RBFOX1: variants seen among roughly 807,000 people sequenced by gnomAD.
The protein encoded by RBFOX1 is RNA binding fox-1 homolog 1, also known as RNA binding protein fox-1 homolog 1.
Under a neutral mutation model 57.7 loss-of-function variants are expected in RBFOX1, and 8 were observed. That is an observed-to-expected ratio of 0.14 (90% confidence interval 0.08 to 0.25). The LOEUF (loss-of-function observed/expected upper bound fraction) is 0.25. Among genes scored for constraint, RBFOX1 ranks in the 10% least tolerant of loss-of-function variants. The pLI is 1.00. For synonymous variants in RBFOX1, 326 were observed against 222.4 expected (o/e 1.47, Z -4.15); for missense variants, 611 against 548.5 (o/e 1.11, Z -1.14).
intron 2 of RBFOX1, among the ~76,000 whole-genome samples, chr16:6,533,246 G>T (rs1034500646): frequency 7.9e-5 from 12 of 152,212 alleles, no homozygotes; most frequent in African/African-American, 2.2e-4. Context: ...CTGCAACAGA[G>T]AACTTTTCTA....
chr16:5,967,871 C>A (rs780251696), intron 4 of RBFOX1, among the ~76,000 whole-genome samples: 1 of 152,082 alleles, frequency 6.6e-6, no homozygotes, highest in Admixed American at 6.6e-5. Context: ...TGGGGACTGG[C>A]TGTTTTGTTT....
chr16:7,443,955 C>G (rs2109439), intron 4 of RBFOX1, among the ~76,000 whole-genome samples: 59,835 of 151,950 alleles, frequency 0.39, 12,159 homozygotes, highest in Non-Finnish European at 0.45. Context: ...CTGGGAGAAA[C>G]CAAAGCTGTA....
chr16:7,688,908 C>T (rs760654799), intron 14 of RBFOX1, among the ~76,000 whole-genome samples: 4 of 152,022 alleles, frequency 2.6e-5, no homozygotes, highest in Admixed American at 2.6e-4. Flanking sequence ...TCCACAGAGA[C>T]ATCACACCTC....
rs1388160499 is a variant in RBFOX1, at chr16:5,947,102, G to C, written c.351+79767G>C. Among the ~76,000 whole-genome samples the C allele has an allele frequency of 1.3e-5, 2 of 152,176 alleles. No homozygotes were observed. The highest frequency in any genetic ancestry group is 1.3e-4 in the Admixed American group (2 of 15,284). ...TGTGGTTGTGCATACTGTAGTCCCA[G>C]ATACTCAGGAGGCTGAGGTAGGAGG... On this transcript the variant is annotated intron_variant, in intron 4 of 19. Coordinates refer to the RBFOX1 transcript ENST00000641259. This position sits in a 1 kb window ranked among gnomAD's most constrained non-coding sequence, Gnocchi z 7.2.
intron 1 of RBFOX1, among the ~76,000 whole-genome samples, chr16:6,069,384 G>C (rs2095807101): frequency 7.7e-6 from 1 of 130,614 alleles, no homozygotes; most frequent in Middle Eastern, 4.3e-3. Flanking sequence ...GGCAACAAGA[G>C]CGAAACTCTG....
At chr16:6,383,131 T>C (rs2091963104) in intron 2 of RBFOX1, among the ~76,000 whole-genome samples, 1 of 152,220 alleles carries the variant, frequency 6.6e-6, no homozygotes, top group South Asian at 2.1e-4. Context: ...AAAAAGGGTA[T>C]ACTATGGGCT....
chr16:7,626,772 G>GA (rs926476843), intron 10 of RBFOX1, among the ~76,000 whole-genome samples: 13 of 151,788 alleles, frequency 8.6e-5, no homozygotes, highest in South Asian at 4.2e-4. Flanking sequence ...AAGATTGGTT[G>GA]AAAAAAAACA....
intron 3 of RBFOX1, among the ~76,000 whole-genome samples, chr16:5,661,983 T>A (rs2049666925): frequency 6.6e-6 from 1 of 152,046 alleles, no homozygotes; most frequent in Non-Finnish European, 1.5e-5. Flanking sequence ...GAGATGGGGT[T>A]TCACCATGTT....
In RBFOX1 at chr16:5,356,466, A is replaced by G. The variant is rs148757146; in HGVS notation, c.220-110750A>G. Reference sequence around the variant, plus strand: ...CATTTCCTTAAGGTCACCTTCTTCAAGTCGCCTTGAGGACCATTGGTTGCT... The same window carrying G: ...CATTTCCTTAAGGTCACCTTCTTCAGGTCGCCTTGAGGACCATTGGTTGCT... On this transcript the variant is annotated intron_variant, in intron 1 of 2. Coordinates refer to the RBFOX1 transcript ENST00000585867. Among the ~76,000 whole-genome samples, 809 of 152,320 alleles carry G rather than the reference A, an allele frequency of 5.3e-3. 8 individuals are homozygous for G. Among genetic ancestry groups the G allele is most frequent in the African/African-American group, 0.018 (756 of 41,570 alleles).
chr16:6,066,293 CAAAAAAAA>C lies in RBFOX1; in HGVS notation c.-127+46321_-127+46328del, dbSNP rs372412356. The stretch of plus-strand genomic sequence containing the variant: ...CTGACTACAGAGCAAGACTCTGTCT[CAAAAAAAA>C]AAAAAAAAAAAAAAAAAAAGGCATA... On this transcript the variant is annotated intron_variant, in intron 1 of 15. Coordinates refer to ENST00000550418, the MANE Select transcript of RBFOX1 (RefSeq NM_018723.4). Among the ~76,000 whole-genome samples the C allele has an allele frequency of 9.2e-3, 465 of 50,390 alleles. 6 individuals are homozygous for C. The highest frequency in any genetic ancestry group is 0.016 in the Middle Eastern group (1 of 62). The allele number at this position is 50,390 out of a possible 152,430, so 33.1% of individuals were successfully genotyped here.
chr16:7,664,662 C>G, intron 12 of RBFOX1: 1 of 526,442 alleles, frequency 1.9e-6, no homozygotes, highest in Non-Finnish European at 3.4e-6. Flanking sequence ...CCTTTCTGTA[C>G]CCACTCCTGA....
At position 6,097,192 on chromosome 16, in the gene RBFOX1, C is replaced by T. The variant is rs1834040; in HGVS notation, c.-127+77200C>T. Among the ~76,000 whole-genome samples, 7,960 of 152,262 alleles carry T rather than the reference C, an allele frequency of 0.052. 259 individuals carry two copies. Among genetic ancestry groups the T allele is most frequent in the Middle Eastern group, 0.12 (34 of 292 alleles). Reference sequence around the variant, plus strand: ...TGTAAGACGTGACTTTCGCTTTCTGCCATGATTGTGAGGCCTCCGTAGCCA... The same window carrying T: ...TGTAAGACGTGACTTTCGCTTTCTGTCATGATTGTGAGGCCTCCGTAGCCA... On this transcript the variant is annotated intron_variant, in intron 1 of 15. Coordinates refer to ENST00000550418, the MANE Select transcript of RBFOX1 (RefSeq NM_018723.4). This position sits in a 1 kb window ranked among gnomAD's most constrained non-coding sequence, Gnocchi z 5.0.
intron 1 of RBFOX1, among the ~76,000 whole-genome samples, chr16:5,279,484 G>A (rs535758801): frequency 1.1e-4 from 16 of 150,112 alleles, no homozygotes; most frequent in South Asian, 6.4e-4. Context: ...TTATACGTCC[G>A]TTTTTAAAAA....
intron 3 of RBFOX1, among the ~76,000 whole-genome samples, chr16:6,685,260 A>G (rs1041313235): frequency 4.2e-5 from 6 of 143,726 alleles, no homozygotes; most frequent in African/African-American, 1.3e-4. Flanking sequence ...GTACTAAGAG[A>G]GGGAGAGTTT....
At position 5,825,903 on chromosome 16, in the gene RBFOX1, CG is replaced by C. The variant is rs1257636707; in HGVS notation, c.319-41399del. ...GTAATATGAATAAGGAATAATATTC[CG>C]TAATATGAATAAGGAATAATATTCC... On this transcript the variant is annotated intron_variant, in intron 3 of 19. Coordinates refer to the RBFOX1 transcript ENST00000641259. Among the ~76,000 whole-genome samples the C allele has an allele frequency of 1.9e-4, 11 of 56,864 alleles. 1 individual carries two copies. The highest frequency in any genetic ancestry group is 1.5e-3 in the South Asian group (2 of 1,332). The allele number at this position is 56,864 out of a possible 152,430, so 37.3% of individuals were successfully genotyped here. A position where few individuals can be genotyped will look rare whatever the true frequency, so the allele number is the denominator to read the frequency against.
At chr16:6,483,463 T>C (rs968414398) in intron 2 of RBFOX1, 1 of 1,535,718 alleles carries the variant, frequency 6.5e-7, no homozygotes, top group Non-Finnish European at 8.7e-7. Context: ...TGCTGTGTTT[T>C]CCCGGTGAGG....
In RBFOX1 at chr16:7,104,955, G is replaced by A. The variant is rs577581558; in HGVS notation, c.27+52857G>A. Among the ~76,000 whole-genome samples the A allele has an allele frequency of 2.1e-4, 31 of 149,254 alleles. 2 individuals carry two copies. Among genetic ancestry groups the A allele is most frequent in the Admixed American group, 1.8e-3 (28 of 15,172 alleles). On this transcript the variant is annotated intron_variant, in intron 4 of 15. Transcript: ENST00000550418. ...TCTCTGTGCTTGTGTGTGTGTGCAC[G>A]TGCTTCTGTGCTTGTGTGTGTGTCT...
chr16:7,142,312 C>G (rs1207481790), intron 4 of RBFOX1, among the ~76,000 whole-genome samples: 1 of 152,136 alleles, frequency 6.6e-6, no homozygotes, highest in Non-Finnish European at 1.5e-5. Context: ...ACATGAGCCA[C>G]CACACCTAGC....
chr16:5,763,703 C>T (rs529678603), intron 3 of RBFOX1, among the ~76,000 whole-genome samples: 3 of 152,220 alleles, frequency 2.0e-5, no homozygotes, highest in Non-Finnish European at 2.9e-5. Flanking sequence ...TTAGCCCCAA[C>T]GATCAGCAGG....
Sources: allele counts gnomAD v4.1 joint callset (sites outside exome capture counted in the v4.1 genomes callset), GRCh38; gene constraint gnomAD v4.1.1; non-coding constraint Gnocchi (gnomAD v3.1); transcripts MANE v1.5; gene names NCBI Gene and HGNC (gene_info 2026-07-23, HGNC 2026-07-21).